The following FSTL4 variants were observed in gnomAD, a reference collection of about 807,000 sequenced individuals.
FSTL4 encodes follistatin-related protein 4.
Under a neutral mutation model 78.2 loss-of-function variants are expected in FSTL4, and 28 were observed. That is an observed-to-expected ratio of 0.36 (90% CI 0.27 to 0.49). The LOEUF (loss-of-function observed/expected upper bound fraction) is 0.49, where lower values mean the gene tolerates loss of function less well. Among genes scored for constraint, FSTL4 ranks in the 20% least tolerant of loss-of-function variants. FSTL4 has a pLI of 0.98. For synonymous variants in FSTL4, 422 were observed against 440.5 expected, an observed-to-expected ratio of 0.96 and a Z score of 0.53; for missense variants, 922 against 1,084.9, an observed-to-expected ratio of 0.85 and a Z score of 2.11.
chr5:133,233,286 T>C, intron 8 of FSTL4, 131 bp downstream of exon 8: 2 of 1,032,582 alleles, frequency 1.9e-6, no homozygotes, highest in Non-Finnish European at 2.9e-6. Flanking sequence ...CCTTTACTTA[T>C]AAGAGAGATG....
chr5:133,543,744 A>T (rs1759521094), intron 3 of FSTL4, among the ~76,000 whole-genome samples: 1 of 151,986 alleles, frequency 6.6e-6, no homozygotes, highest in East Asian at 1.9e-4. Flanking sequence ...TTATCTTTCA[A>T]TTGGAACATT....
At chr5:133,491,664 A>G (rs1040638163) in intron 3 of FSTL4, among the ~76,000 whole-genome samples, 2 of 152,048 alleles carry the variant, frequency 1.3e-5, no homozygotes, top group African/African-American at 4.8e-5. Flanking sequence ...GGCCTCCCAA[A>G]GTGCTGGGAT....
At chr5:133,284,503 G>A (rs1753083161) in intron 6 of FSTL4, among the ~76,000 whole-genome samples, 1 of 152,218 alleles carries the variant, frequency 6.6e-6, no homozygotes, top group Non-Finnish European at 1.5e-5. Flanking sequence ...GCTGATGTGA[G>A]CAGTGCCTGC....
At chr5:133,441,208 G>T (rs557862152) in intron 3 of FSTL4, among the ~76,000 whole-genome samples, 2 of 152,178 alleles carry the variant, frequency 1.3e-5, no homozygotes, top group Admixed American at 1.3e-4. Flanking sequence ...GCACCTGGGA[G>T]ATGGGGCAGG....
chr5:133,625,384 T>G, the FSTL4 span, among the ~76,000 whole-genome samples: 1 of 151,658 alleles, frequency 6.6e-6, no homozygotes, highest in African/African-American at 2.4e-5. Context: ...TAATTTTAGT[T>G]GTCAAATTTG....
At chr5:133,628,079 C>A in the FSTL4 span, among the ~76,000 whole-genome samples, 1 of 152,076 alleles carries the variant, frequency 6.6e-6, no homozygotes, top group Non-Finnish European at 1.5e-5. Context: ...AACAAAGACA[C>A]AACCTACCAG....
chr5:133,732,231 G>T, the FSTL4 span, among the ~76,000 whole-genome samples: 1 of 152,192 alleles, frequency 6.6e-6, no homozygotes, highest in Non-Finnish European at 1.5e-5. Context: ...GTGAGAAGAA[G>T]GGGAGGTGTG....
At chr5:133,575,918 G>A (rs771171246) in intron 2 of FSTL4, among the ~76,000 whole-genome samples, 2 of 152,182 alleles carry the variant, frequency 1.3e-5, no homozygotes, top group Admixed American at 1.3e-4. Context: ...CTTTCTACGA[G>A]TTTGACAGCC....
the FSTL4 span, among the ~76,000 whole-genome samples, chr5:133,739,607 G>A: frequency 2.0e-5 from 3 of 152,184 alleles, no homozygotes; most frequent in East Asian, 1.9e-4. Flanking sequence ...CTAGGAGCCC[G>A]CCTAAATCTT....
chr5:133,791,810 T>C, the FSTL4 span, among the ~76,000 whole-genome samples: 1 of 152,266 alleles, frequency 6.6e-6, no homozygotes, highest in Non-Finnish European at 1.5e-5. Flanking sequence ...TGTGGGAGCC[T>C]GGCCCTTGAG....
chr5:133,554,478 C>T (rs1759750810), intron 3 of FSTL4, among the ~76,000 whole-genome samples: 1 of 152,254 alleles, frequency 6.6e-6, no homozygotes, highest in East Asian at 1.9e-4. Context: ...ATGGCTTCAT[C>T]TGCTCCCTCT....
upstream of FSTL4, among the ~76,000 whole-genome samples, chr5:133,613,733 CA>C (rs1761152810): frequency 6.6e-6 from 1 of 152,152 alleles, no homozygotes; most frequent in South Asian, 2.1e-4. Context: ...AATGCAGAGC[CA>C]ATCGTATCTC....
At chr5:133,786,185 G>T in the FSTL4 span, among the ~76,000 whole-genome samples, 1 of 152,146 alleles carries the variant, frequency 6.6e-6, no homozygotes, top group Non-Finnish European at 1.5e-5. Context: ...CTCCCCAGGT[G>T]CCTACCAGCA....
At chr5:133,346,065 A>T (rs1240019049) in intron 4 of FSTL4, among the ~76,000 whole-genome samples, 1 of 152,240 alleles carries the variant, frequency 6.6e-6, no homozygotes, top group Non-Finnish European at 1.5e-5. Context: ...TGCAGCCATT[A>T]AAAAGAATGA....
the FSTL4 span, among the ~76,000 whole-genome samples, chr5:133,630,515 C>T: frequency 6.6e-6 from 1 of 152,184 alleles, no homozygotes; most frequent in African/African-American, 2.4e-5. Flanking sequence ...AATGGAAAAA[C>T]ATTGCATGCT....
At chr5:133,754,269 A>C in the FSTL4 span, among the ~76,000 whole-genome samples, 1 of 152,218 alleles carries the variant, frequency 6.6e-6, no homozygotes, top group Non-Finnish European at 1.5e-5. Context: ...TCCTAGTCAT[A>C]ATGAAGTTTA....
the FSTL4 span, among the ~76,000 whole-genome samples, chr5:133,784,714 G>A: frequency 1.3e-5 from 2 of 150,238 alleles, no homozygotes; most frequent in Non-Finnish European, 3.0e-5. Flanking sequence ...AGTGAGACCT[G>A]TTAACATTTT....
At chr5:133,315,717 C>T (rs1158016889) in intron 5 of FSTL4, among the ~76,000 whole-genome samples, 1 of 152,042 alleles carries the variant, frequency 6.6e-6, no homozygotes, top group Non-Finnish European at 1.5e-5. Flanking sequence ...CCCTTAGAAA[C>T]AAACCAGTAA....
chr5:133,526,556 T>A (rs896404483), intron 3 of FSTL4, among the ~76,000 whole-genome samples: 1 of 152,122 alleles, frequency 6.6e-6, no homozygotes, highest in African/African-American at 2.4e-5. Context: ...GGGTTCCTAA[T>A]GACCCCTGGA....
Sources: gnomAD v4.1 joint callset for allele counts (sites outside exome capture counted in the v4.1 genomes callset) on GRCh38, gnomAD v4.1.1 for gene constraint, MANE v1.5 for transcripts, NCBI Gene and HGNC (gene_info 2026-07-23, HGNC 2026-07-21) for gene names.